Variants in ANKIB1 observed in about 807,000 individuals in gnomAD.
ANKIB1 encodes ankyrin repeat and IBR domain containing 1, also known as ankyrin repeat and IBR domain-containing protein 1.
A neutral mutation model predicts 122.1 loss-of-function variants in ANKIB1; 43 were observed. That is an observed-to-expected ratio of 0.35 (90% CI 0.28 to 0.45). ANKIB1 has a LOEUF of 0.45. Ranked by LOEUF, ANKIB1 falls within the 20% of genes least tolerant of loss-of-function variation. ANKIB1 has a pLI of 1.00. For synonymous variants in ANKIB1, 390 were observed against 442.0 expected (o/e 0.88, Z 1.48); for missense variants, 992 against 1,329.5 (o/e 0.75, Z 3.95).
intron 11 of ANKIB1, among the ~76,000 whole-genome samples, chr7:92,384,087 C>T (rs1044634818): frequency 6.6e-6 from 1 of 152,160 alleles, no homozygotes; most frequent in Non-Finnish European, 1.5e-5. Context: ...CATTCTTAAA[C>T]ACCAATAACA....
intron 14 of ANKIB1, among the ~76,000 whole-genome samples, chr7:92,388,851 A>T (rs558105741): frequency 1.3e-5 from 2 of 152,340 alleles, no homozygotes; most frequent in South Asian, 4.1e-4. Flanking sequence ...AGAATATGTC[A>T]ATAGCAGTAT....
At position 92,382,047 on chromosome 7, in the gene ANKIB1, A is replaced by T. The variant is rs188403418; in HGVS notation, c.1618-4462A>T. On this transcript the variant is annotated intron_variant, in intron 11 of 19. Transcript: ENST00000265742. ...GCTCAAAATAAAGGGATGGAGAAAG[A>T]TCTACCAAGCAAATGGAAAGCAAAA... Among the ~76,000 whole-genome samples, 22 of 152,170 alleles carry T rather than the reference A, an allele frequency of 1.4e-4. 1 individual carries two copies. Among genetic ancestry groups the T allele is most frequent in the African/African-American group, 4.8e-4 (20 of 41,512 alleles).
Position 92,341,736 on chromosome 7 carries a change from G to C in ANKIB1, c.788-1288G>C, listed in dbSNP as rs118136766. ...TATACACAGATAGTCCCTGACTTAGGATGGTTTGACTTACAATTTTTTGAC... is the reference window on the plus strand; with the variant it reads ...TATACACAGATAGTCCCTGACTTAGCATGGTTTGACTTACAATTTTTTGAC... On this transcript the variant is annotated intron_variant, in intron 5 of 19. Transcript: ENST00000265742. 5.3e-3 allele frequency among the ~76,000 whole-genome samples: 802 copies of C among 152,248 alleles called. 18 individuals are homozygous for C. Among genetic ancestry groups the C allele is most frequent in the Non-Finnish European group, 6.6e-3 (449 of 68,008 alleles).
rs1396494467 is a variant in ANKIB1 at position 92,398,919 on chromosome 7, T to G, written c.3240T>G (p.Ser1080Arg). The change falls in exon 20 of 20, where the codon AGT becomes AGG. Residue 1080 changes from serine (S) to arginine (R), a missense_variant. By Grantham distance (110) the Ser-to-Arg change is moderately radical. Coordinates refer to ENST00000265742, the MANE Select transcript of ANKIB1 (RefSeq NM_019004.2). ...DVSSQTPQTS[S>R]DWLEQVHLV is the part of the protein sequence containing the mutation. ...CAAGTCAAACACCTCAAACCTCAAG[T>G]GACTGGCTTGAACAAGTACATTTAG... 1 of 1,591,844 alleles carries G rather than the reference T, an allele frequency of 6.3e-7. No homozygotes were observed. The highest frequency in any genetic ancestry group is 8.6e-7 in the Non-Finnish European group (1 of 1,169,028).
intron 4 of ANKIB1, among the ~76,000 whole-genome samples, chr7:92,322,211 C>T (rs1293882940): frequency 3.9e-5 from 6 of 152,032 alleles, no homozygotes; most frequent in Non-Finnish European, 8.8e-5. Context: ...AATTAAACTG[C>T]AAGACATTTA....
At chr7:92,324,716 A>G (rs1249873076) in intron 4 of ANKIB1, among the ~76,000 whole-genome samples, 1 of 152,220 alleles carries the variant, frequency 6.6e-6, no homozygotes, top group Non-Finnish European at 1.5e-5. Flanking sequence ...GGTGAAATGT[A>G]TATTTCAGCT....
At chr7:92,327,742 A>G (rs754244654) in intron 4 of ANKIB1, 41 bp from the exon 5 acceptor site, 16 of 1,069,112 alleles carry the variant, frequency 1.5e-5, no homozygotes, top group Middle Eastern at 2.0e-4. Context: ...ACTTCCTATG[A>G]GTATAATGCC....
chr7:92,260,827 C>T (rs1030083554), intron 1 of ANKIB1, among the ~76,000 whole-genome samples: 1 of 152,150 alleles, frequency 6.6e-6, no homozygotes, highest in Non-Finnish European at 1.5e-5. Context: ...TGCTGCATTC[C>T]CCTTCGCCTA....
At position 92,343,014 on chromosome 7, in the gene ANKIB1, T is replaced by A; in HGVS notation, c.788-10T>A. On this transcript the variant is annotated splice_polypyrimidine_tract_variant and intron_variant, in intron 5 of 19. Coordinates refer to ENST00000265742, the MANE Select transcript of ANKIB1 (RefSeq NM_019004.2). ...TTTTTTGAGAGCTATCCATTCCATT[T>A]TTCTTTAAGACTGGGACAGGGAGAA... The A allele has an allele frequency of 6.2e-7, 1 of 1,613,280 alleles. No homozygotes were observed. Among genetic ancestry groups the A allele is most frequent in the Non-Finnish European group, 8.5e-7 (1 of 1,179,260 alleles).
chr7:92,309,942 A>AATATATATATATATATATAT (rs1162113763), intron 3 of ANKIB1, among the ~76,000 whole-genome samples: 9 of 91,754 alleles, frequency 9.8e-5, no homozygotes, highest in South Asian at 3.8e-4. Context: ...AAAAAAAAAA[A>AATATATATATATATATATAT]ATATATATAT....
chr7:92,381,546 G>T (rs763297890), intron 11 of ANKIB1, among the ~76,000 whole-genome samples: 1 of 152,190 alleles, frequency 6.6e-6, no homozygotes, highest in Non-Finnish European at 1.5e-5. Context: ...GGATCTCTTG[G>T]CAGAAACCCT....
intron 2 of ANKIB1, among the ~76,000 whole-genome samples, chr7:92,299,500 T>G (rs182507496): frequency 6.6e-6 from 1 of 152,346 alleles, no homozygotes; most frequent in Admixed American, 6.5e-5. Flanking sequence ...AATATGAATA[T>G]TCACTATTAT....
chr7:92,328,410 G>T (rs1222733878), intron 5 of ANKIB1, among the ~76,000 whole-genome samples: 1 of 152,024 alleles, frequency 6.6e-6, no homozygotes, highest in Non-Finnish European at 1.5e-5. Flanking sequence ...CCCTTTTAAG[G>T]GTGGTTTTCT....
At chr7:92,267,125 T>A (rs1801687757) in intron 1 of ANKIB1, among the ~76,000 whole-genome samples, 1 of 152,200 alleles carries the variant, frequency 6.6e-6, no homozygotes, top group South Asian at 2.1e-4. Context: ...AACAACTCTT[T>A]CGAGAAGAAG....
chr7:92,399,464 C>G lies in ANKIB1; in HGVS notation c.*515C>G, dbSNP rs1804971231. ...TTGTCTGAGCAATGTGAATTGAAGT[C>G]TCTTTAGTACCACATCTACCATAGT... On this transcript the variant is annotated 3_prime_UTR_variant, in exon 20 of 20. Coordinates refer to ENST00000265742, the MANE Select transcript of ANKIB1 (RefSeq NM_019004.2). 6.6e-6 allele frequency: 1 copy of G among 152,166 alleles called. No homozygotes were observed. Among genetic ancestry groups the G allele is most frequent in the African/African-American group, 2.4e-5 (1 of 41,432 alleles). 9.4% of individuals were successfully genotyped at this position (152,166 alleles called of 1,614,324 possible).
intron 2 of ANKIB1, among the ~76,000 whole-genome samples, chr7:92,304,123 A>C (rs989559351): frequency 2.9e-4 from 44 of 152,110 alleles, no homozygotes; most frequent in African/African-American, 9.9e-4. Context: ...GGTCTAAAAC[A>C]TACATATCGA....
intron 1 of ANKIB1, among the ~76,000 whole-genome samples, chr7:92,263,473 G>GGGAC (rs1801605086): frequency 6.6e-6 from 1 of 152,134 alleles, no homozygotes. Context: ...GGGATTTGAA[G>GGGAC]GGACCTCTGT....
At chr7:92,393,425 T>C (rs1301439452) in intron 17 of ANKIB1, among the ~76,000 whole-genome samples, 2 of 152,052 alleles carry the variant, frequency 1.3e-5, no homozygotes, top group Non-Finnish European at 2.9e-5. Context: ...TTCAATGTTA[T>C]AATACATTTA....
intron 1 of ANKIB1, among the ~76,000 whole-genome samples, chr7:92,249,077 G>A (rs905922794): frequency 2.6e-5 from 4 of 151,878 alleles, no homozygotes; most frequent in African/African-American, 4.8e-5. Context: ...TAGTAGAGAC[G>A]AGGTTTTGCC....
Sources: allele counts gnomAD v4.1 joint callset (sites outside exome capture counted in the v4.1 genomes callset), GRCh38; gene constraint gnomAD v4.1.1; transcripts MANE v1.5; gene names NCBI Gene and HGNC (gene_info 2026-07-23, HGNC 2026-07-21).